The following ST18 variants were observed in gnomAD, a reference collection of about 807,000 sequenced individuals.
The protein encoded by ST18 is suppression of tumorigenicity 18 protein.
A neutral mutation model predicts 110.0 loss-of-function variants in ST18; 50 were observed. The observed-to-expected ratio is 0.45, with a 90% CI of 0.36 to 0.58. The LOEUF is 0.58. ST18 is among the 20% of genes least tolerant of loss of function. The pLI, the probability that ST18 is intolerant of heterozygous loss-of-function variation, is 0.00. For missense variants in ST18, 1,306 were observed against 1,280.1 expected (o/e 1.02, Z -0.31); for synonymous variants, 461 against 452.4 (o/e 1.02, Z -0.24).
chr8:52,136,677 A>G lies in ST18; in HGVS notation c.2232-19T>C, dbSNP rs2052512185. 1 of 1,592,622 alleles carries G rather than the reference A, an allele frequency of 6.3e-7. No individual in the cohort carries two copies. Among genetic ancestry groups the G allele is most frequent in the African/African-American group, 1.3e-5 (1 of 74,690 alleles). ...AGAAACACTAGAGAGGGATGAGGAA[A>G]AAAACACAACACAACACTGACATAT... On this transcript the variant is annotated intron_variant, in intron 18 of 25. Transcript: ENST00000689386.
At chr8:52,125,371 C>A (rs914457682) in intron 23 of ST18, among the ~76,000 whole-genome samples, 1 of 150,110 alleles carries the variant, frequency 6.7e-6, no homozygotes, top group Non-Finnish European at 1.5e-5. Context: ...CAGATTTATA[C>A]CAGAAAAACG....
chr8:52,280,115 CTT>C (rs2095347729), intron 2 of ST18, among the ~76,000 whole-genome samples: 1 of 151,834 alleles, frequency 6.6e-6, no homozygotes. Flanking sequence ...TAATTTTAAA[CTT>C]AAGTAAAACA....
chr8:52,320,404 A>T (rs922575151), intron 2 of ST18, among the ~76,000 whole-genome samples: 1 of 152,232 alleles, frequency 6.6e-6, no homozygotes, highest in Non-Finnish European at 1.5e-5. Flanking sequence ...AATAAATAAA[A>T]TTGAATTTAA....
chr8:52,300,207 C>T (rs983595726), intron 2 of ST18, among the ~76,000 whole-genome samples: 1 of 152,192 alleles, frequency 6.6e-6, no homozygotes, highest in African/African-American at 2.4e-5. Context: ...TGCTGCCAAA[C>T]ACGGAATTGC....
chr8:52,325,956 G>T (rs1278410546), intron 2 of ST18, among the ~76,000 whole-genome samples: 1 of 152,186 alleles, frequency 6.6e-6, no homozygotes, highest in Admixed American at 6.5e-5. Flanking sequence ...TAGGATATCA[G>T]CTGTAAGCTG....
chr8:52,314,362 G>T (rs1312906676), intron 2 of ST18, among the ~76,000 whole-genome samples: 1 of 152,168 alleles, frequency 6.6e-6, no homozygotes, highest in African/African-American at 2.4e-5. Flanking sequence ...CCATTTAATG[G>T]ACTCTTTGAA....
intron 13 of ST18, among the ~76,000 whole-genome samples, chr8:52,163,420 T>C (rs1055470407): frequency 6.6e-6 from 1 of 152,194 alleles, no homozygotes; most frequent in African/African-American, 2.4e-5. Context: ...CATATATACT[T>C]TAGTATTTAG....
At chr8:52,351,938 T>C (rs899446886) in intron 2 of ST18, among the ~76,000 whole-genome samples, 2 of 152,188 alleles carry the variant, frequency 1.3e-5, no homozygotes, top group Non-Finnish European at 1.5e-5. Flanking sequence ...CAAATGTGTG[T>C]TAAACACTGG....
At chr8:52,346,921 G>A (rs968190252) in intron 2 of ST18, among the ~76,000 whole-genome samples, 37 of 152,152 alleles carry the variant, frequency 2.4e-4, no homozygotes, top group African/African-American at 8.9e-4. Context: ...AAAGCAAAGA[G>A]AAATTCTGTA....
chr8:52,243,203 T>C (rs1412471690), intron 2 of ST18, among the ~76,000 whole-genome samples: 3 of 152,186 alleles, frequency 2.0e-5, no homozygotes, highest in Admixed American at 1.3e-4. Context: ...AGTCTTTGAA[T>C]TATTTTTCAA....
At chr8:52,160,364 A>T (rs2061109945) in intron 14 of ST18, among the ~76,000 whole-genome samples, 1 of 152,202 alleles carries the variant, frequency 6.6e-6, no homozygotes, top group African/African-American at 2.4e-5. Context: ...CCTCTCCCTG[A>T]TAGGCAAATT....
At chr8:52,182,923 T>G (rs1173675264) in intron 8 of ST18, among the ~76,000 whole-genome samples, 1 of 152,192 alleles carries the variant, frequency 6.6e-6, no homozygotes, top group Non-Finnish European at 1.5e-5. Flanking sequence ...CATTTCTGAC[T>G]TTGACGACTG....
At chr8:52,280,493 C>G (rs552748383) in intron 2 of ST18, among the ~76,000 whole-genome samples, 1 of 151,598 alleles carries the variant, frequency 6.6e-6, no homozygotes, top group Non-Finnish European at 1.5e-5. Flanking sequence ...TACACCTAGA[C>G]CTTAAGAACA....
chr8:52,398,073 T>A (rs1030710700), intron 2 of ST18, among the ~76,000 whole-genome samples: 3 of 152,180 alleles, frequency 2.0e-5, no homozygotes, highest in Admixed American at 2.0e-4. Flanking sequence ...TTCCTATACA[T>A]GGACACATTT....
chr8:52,401,804 G>T (rs1265375529), intron 2 of ST18, among the ~76,000 whole-genome samples: 1 of 151,736 alleles, frequency 6.6e-6, no homozygotes. Flanking sequence ...TTTCTTTGTG[G>T]CCAGTTACTA....
intron 2 of ST18, among the ~76,000 whole-genome samples, chr8:52,317,647 A>G (rs1017234569): frequency 2.0e-5 from 3 of 152,204 alleles, no homozygotes; most frequent in African/African-American, 7.2e-5. Context: ...GGAATTATCT[A>G]GCTGTTTCAT....
intron 2 of ST18, among the ~76,000 whole-genome samples, chr8:52,245,248 A>C (rs2093748945): frequency 6.6e-6 from 1 of 152,160 alleles, no homozygotes; most frequent in South Asian, 2.1e-4. Flanking sequence ...ATTTTCAATA[A>C]ATTTTTTTTT....
At chr8:52,125,899 A>T in intron 23 of ST18, 153 bp downstream of exon 23, 1 of 648,100 alleles carries the variant, frequency 1.5e-6, no homozygotes, top group Non-Finnish European at 2.5e-6. Flanking sequence ...TTTTAAACAA[A>T]GTTATAATTT....
At chr8:52,136,225 G>T (rs141490759) in intron 19 of ST18, among the ~76,000 whole-genome samples, 70 of 152,254 alleles carry the variant, frequency 4.6e-4, no homozygotes, top group African/African-American at 1.6e-3. Context: ...AAAATACCCA[G>T]CAGGTTAAGG....
Sources: allele counts gnomAD v4.1 joint callset (sites outside exome capture counted in the v4.1 genomes callset), GRCh38; gene constraint gnomAD v4.1.1; transcripts MANE v1.5; gene names NCBI Gene and HGNC (gene_info 2026-07-23, HGNC 2026-07-21).